GRM7: variants seen among roughly 807,000 people sequenced by gnomAD.
GRM7 encodes glutamate metabotropic receptor 7, also known as metabotropic glutamate receptor 7.
GRM7 carries 35 observed loss-of-function variants against 84.5 expected under a neutral mutation model. The ratio of observed to expected loss-of-function variants is 0.41; its 90% CI spans 0.32 to 0.55. The LOEUF (loss-of-function observed/expected upper bound fraction) is 0.55, where lower values mean the gene tolerates loss of function less well. GRM7 is among the 20% of genes least tolerant of loss of function. GRM7 has a pLI of 0.19. For synonymous variants in GRM7, 487 were observed against 455.1 expected, an observed-to-expected ratio of 1.07 and a Z score of -0.89; for missense variants, 1,003 against 1,194.6, an observed-to-expected ratio of 0.84 and a Z score of 2.36.
chr3:7,355,762 G>A (rs1693370115), intron 4 of GRM7, among the ~76,000 whole-genome samples: 1 of 152,100 alleles, frequency 6.6e-6, no homozygotes, highest in Non-Finnish European at 1.5e-5. Context: ...GGCCTGAGCA[G>A]GTTCTGAAGG....
At chr3:7,035,310 ATATTTCAGGTGAT>A (rs1403126068) in intron 1 of GRM7, among the ~76,000 whole-genome samples, 1 of 152,160 alleles carries the variant, frequency 6.6e-6, no homozygotes, top group Non-Finnish European at 1.5e-5. Context: ...AGGAAAGAGA[ATATTTCAGGTGAT>A]TTAGTCAGTC....
chr3:7,087,752 G>T (rs983643109), intron 1 of GRM7, among the ~76,000 whole-genome samples: 3 of 152,050 alleles, frequency 2.0e-5, no homozygotes, highest in Non-Finnish European at 4.4e-5. Flanking sequence ...TAGCAAAAGG[G>T]TTTATAAAAT....
At chr3:7,442,051 T>C (rs1486719615) in intron 5 of GRM7, among the ~76,000 whole-genome samples, 1 of 152,208 alleles carries the variant, frequency 6.6e-6, no homozygotes, top group South Asian at 2.1e-4. Context: ...AAATAGCATT[T>C]AATTTGCAAA....
rs1050343853 is a variant in GRM7, at chr3:7,546,843, T to C, written c.1516-31579T>C. 7.2e-5 allele frequency among the ~76,000 whole-genome samples: 11 copies of C among 152,310 alleles called. No homozygotes were observed. In the East Asian group the frequency reaches 1.3e-3, roughly 19 times the overall value. On this transcript the variant is annotated intron_variant, in intron 7 of 9. Transcript: ENST00000357716. ...GCTTTAATGAACAAAACCAAATAAT[T>C]TGTAATTGGTCCATTAATTATCTGC...
At chr3:7,458,665 G>A (rs1698119388) in intron 6 of GRM7, among the ~76,000 whole-genome samples, 1 of 152,150 alleles carries the variant, frequency 6.6e-6, no homozygotes, top group Non-Finnish European at 1.5e-5. Flanking sequence ...ATTAGGTGAT[G>A]GGGCCCATTC....
At chr3:7,681,764 C>G (rs1700377264) in intron 9 of GRM7, 5 of 152,160 alleles carry the variant, frequency 3.3e-5, no homozygotes, top group Non-Finnish European at 5.9e-5. Context: ...GTAAACCACT[C>G]CATTTACCAG....
chr3:7,070,769 A>T (rs1697847798), intron 1 of GRM7, among the ~76,000 whole-genome samples: 1 of 151,952 alleles, frequency 6.6e-6, no homozygotes, highest in African/African-American at 2.4e-5. Flanking sequence ...AGTTGAAATG[A>T]TTGAGGGGTG....
intron 1 of GRM7, among the ~76,000 whole-genome samples, chr3:7,085,482 G>T (rs968986384): frequency 1.3e-5 from 2 of 152,242 alleles, no homozygotes; most frequent in Non-Finnish European, 2.9e-5. Context: ...AATTGTAGTT[G>T]TATAGCTCTG....
At chr3:7,717,898 G>A (rs1440309902) in intron 9 of GRM7, among the ~76,000 whole-genome samples, 1 of 152,212 alleles carries the variant, frequency 6.6e-6, no homozygotes, top group African/African-American at 2.4e-5. Flanking sequence ...AGGTATGGTA[G>A]TACATTTCAG....
chr3:7,365,632 T>TGTGTGTGC, intron 4 of GRM7, among the ~76,000 whole-genome samples: 1 of 112,094 alleles, frequency 8.9e-6, no homozygotes, highest in Non-Finnish European at 1.8e-5. Flanking sequence ...AATATGCATG[T>TGTGTGTGC]GTGTGTGCGT....
intron 4 of GRM7, among the ~76,000 whole-genome samples, chr3:7,407,784 G>C (rs555760271): frequency 6.6e-6 from 1 of 152,234 alleles, no homozygotes; most frequent in East Asian, 1.9e-4. Flanking sequence ...GTAGTTGGCA[G>C]AGGCAGGATT....
chr3:7,298,785 T>C lies in GRM7; in HGVS notation c.838T>C (p.Ser280Pro), dbSNP rs1279190806. The C allele has an allele frequency of 6.2e-7, 1 of 1,613,572 alleles. No homozygotes were observed. Among genetic ancestry groups the C allele is most frequent in the Admixed American group, 1.7e-5 (1 of 59,962 alleles). Reference protein sequence around the residue: ...IIKQLLDTPNSRAVVIFANDE... With the variant: ...IIKQLLDTPNPRAVVIFANDE... The stretch of plus-strand genomic sequence containing the variant: ...CAAACAGCTCCTGGACACCCCCAAC[T>C]CCAGGGCCGTCGTGATTTTTGCCAA... Residue 280 changes from serine to proline, a missense_variant, in exon 3 of 10, where the codon TCC becomes CCC. Around this residue, in one of 2 missense-constraint regions of GRM7, gnomAD observed 910 missense variants for 1,126.0 expected, o/e 0.81. Transcript: ENST00000357716.
chr3:7,387,693 T>C (rs986748037), intron 4 of GRM7, among the ~76,000 whole-genome samples: 21 of 152,224 alleles, frequency 1.4e-4, no homozygotes, highest in African/African-American at 3.6e-4. Context: ...ACTGTAGCCT[T>C]GTAGGATAAC....
At chr3:6,888,513 C>G (rs530809399) in intron 1 of GRM7, among the ~76,000 whole-genome samples, 2 of 151,992 alleles carry the variant, frequency 1.3e-5, no homozygotes, top group African/African-American at 2.4e-5. Context: ...GCTTGTTTTT[C>G]TCAGGTTTGT....
intron 2 of GRM7, among the ~76,000 whole-genome samples, chr3:7,250,686 G>T (rs540528580): frequency 5.3e-5 from 8 of 152,032 alleles, no homozygotes; most frequent in African/African-American, 1.7e-4. Flanking sequence ...ACCACATCTA[G>T]CTAATTTTTG....
At chr3:7,321,580 A>G (rs1474530409) in intron 4 of GRM7, among the ~76,000 whole-genome samples, 2 of 151,830 alleles carry the variant, frequency 1.3e-5, no homozygotes, top group Non-Finnish European at 2.9e-5. Flanking sequence ...TTCATAGTTT[A>G]ACACTCTTGG....
intron 1 of GRM7, among the ~76,000 whole-genome samples, chr3:7,105,429 A>G (rs766591218): frequency 4.0e-5 from 6 of 151,884 alleles, no homozygotes; most frequent in African/African-American, 9.7e-5. Context: ...AGTCTCTCCT[A>G]TAGAAGTTTT....
chr3:7,103,749 CCTTTCTTT>C (rs55840104), intron 1 of GRM7, among the ~76,000 whole-genome samples: 14,339 of 96,140 alleles, frequency 0.15, 1,200 homozygotes, highest in Admixed American at 0.18. Context: ...TCTCTCTCTC[CCTTTCTTT>C]CTTTCTTTCT....
chr3:7,261,904 C>T (rs1575094948), intron 2 of GRM7, among the ~76,000 whole-genome samples: 1 of 137,018 alleles, frequency 7.3e-6, no homozygotes, highest in South Asian at 2.7e-4. Flanking sequence ...CTCCCTCCCT[C>T]CCTCCCTCCC....
Sources: allele counts gnomAD v4.1 joint callset (sites outside exome capture counted in the v4.1 genomes callset), GRCh38; gene constraint gnomAD v4.1.1; regional missense constraint gnomAD v4.1.1; transcripts MANE v1.5; gene names NCBI Gene and HGNC (gene_info 2026-07-23, HGNC 2026-07-21).